Variants in NAV3 observed in about 807,000 individuals in gnomAD.
NAV3 encodes the protein pore membrane and/or filament interacting like protein 1.
A neutral mutation model predicts 244.7 loss-of-function variants in NAV3; 87 were observed. The observed-to-expected ratio is 0.36, with a 90% CI of 0.30 to 0.42. NAV3 has a LOEUF of 0.42. Among genes scored for constraint, NAV3 ranks in the 20% least tolerant of loss-of-function variants. The pLI, the probability that NAV3 is intolerant of heterozygous loss-of-function variation, is 1.00. For missense variants in NAV3, 2,663 were observed against 2,893.3 expected, an observed-to-expected ratio of 0.92 and a Z score of 1.83; for synonymous variants, 1,126 against 1,042.2, an observed-to-expected ratio of 1.08 and a Z score of -1.55.
At chr12:77,952,650 C>A (rs1891010133) in intron 3 of NAV3, among the ~76,000 whole-genome samples, 1 of 152,044 alleles carries the variant, frequency 6.6e-6, no homozygotes, top group Admixed American at 6.6e-5. Context: ...AAATAACTTC[C>A]TGGATTTTGA....
chr12:78,002,046 C>T (rs575048398), intron 7 of NAV3, among the ~76,000 whole-genome samples: 3 of 152,256 alleles, frequency 2.0e-5, no homozygotes, highest in Non-Finnish European at 2.9e-5. Flanking sequence ...TTGTAGAAAC[C>T]ATGCCATGGT....
chr12:77,781,559 A>G (rs1201922823), intron 2 of NAV3, among the ~76,000 whole-genome samples: 1 of 152,084 alleles, frequency 6.6e-6, no homozygotes, highest in Non-Finnish European at 1.5e-5. Flanking sequence ...ACCAATATAC[A>G]CTTACATTTA....
chr12:77,886,345 A>T (rs1883286665), intron 1 of NAV3, among the ~76,000 whole-genome samples: 1 of 152,106 alleles, frequency 6.6e-6, no homozygotes, highest in African/African-American at 2.4e-5. Flanking sequence ...ACTCCCATAC[A>T]TTCCCCACTG....
chr12:78,073,966 A>G (rs530126233), intron 12 of NAV3, among the ~76,000 whole-genome samples: 3 of 152,368 alleles, frequency 2.0e-5, no homozygotes, highest in South Asian at 2.1e-4. Flanking sequence ...CAAATATTAT[A>G]CTAGCTTTGC....
At chr12:78,200,794 G>A (rs550917340) in intron 38 of NAV3, among the ~76,000 whole-genome samples, 5 of 152,018 alleles carry the variant, frequency 3.3e-5, no homozygotes, top group Admixed American at 6.6e-5. Flanking sequence ...GAAAGAAAAG[G>A]CACAGTTATT....
At chr12:77,959,259 A>G (rs1891652371) in intron 3 of NAV3, among the ~76,000 whole-genome samples, 1 of 152,088 alleles carries the variant, frequency 6.6e-6, no homozygotes, top group Non-Finnish European at 1.5e-5. Flanking sequence ...GAGTTCGTAA[A>G]TGTAAATTGG....
chr12:78,112,443 A>G (rs771626858), intron 12 of NAV3, among the ~76,000 whole-genome samples: 1 of 152,134 alleles, frequency 6.6e-6, no homozygotes, highest in Admixed American at 6.5e-5. Flanking sequence ...GGTTTAATTG[A>G]CTCACAGTTC....
chr12:77,743,110 A>T (rs1868370789), intron 2 of NAV3, among the ~76,000 whole-genome samples: 1 of 152,008 alleles, frequency 6.6e-6, no homozygotes. Flanking sequence ...CATCTTGTAA[A>T]CAGACAATAT....
At chr12:77,722,624 A>C (rs1258069389) in intron 2 of NAV3, among the ~76,000 whole-genome samples, 4 of 152,102 alleles carry the variant, frequency 2.6e-5, no homozygotes, top group Non-Finnish European at 4.4e-5. Flanking sequence ...AATTTTGTTA[A>C]ATCATGTTAT....
chr12:78,147,404 A>G (rs1956906231), intron 21 of NAV3, among the ~76,000 whole-genome samples: 1 of 152,064 alleles, frequency 6.6e-6, no homozygotes, highest in Admixed American at 6.6e-5. Context: ...ATGGTTTAAA[A>G]AAACAATTTC....
chr12:77,870,422 A>C (rs1200344328), intron 1 of NAV3, among the ~76,000 whole-genome samples: 1 of 152,080 alleles, frequency 6.6e-6, no homozygotes, highest in Admixed American at 6.6e-5. Context: ...AATTTCAAGC[A>C]AGAATATATA....
chr12:77,778,311 G>A (rs903070709), intron 2 of NAV3, among the ~76,000 whole-genome samples: 39 of 146,830 alleles, frequency 2.7e-4, no homozygotes, highest in African/African-American at 9.6e-4. Context: ...TCCAAATTTC[G>A]TAATGAGAAT....
At chr12:78,120,007 A>T in intron 15 of NAV3, 62 bp downstream of exon 15, 4 of 1,242,764 alleles carry the variant, frequency 3.2e-6, no homozygotes, top group Non-Finnish European at 4.5e-6. Flanking sequence ...AGACACATAC[A>T]TTACATATAA....
chr12:77,860,395 T>C (rs1879088997), intron 1 of NAV3, among the ~76,000 whole-genome samples: 2 of 150,970 alleles, frequency 1.3e-5, no homozygotes, highest in Admixed American at 6.6e-5. Context: ...GTGAAGTATA[T>C]ATATAAATAT....
chr12:77,573,465 G>T (rs1868927726), intron 2 of NAV3, among the ~76,000 whole-genome samples: 1 of 152,130 alleles, frequency 6.6e-6, no homozygotes, highest in Non-Finnish European at 1.5e-5. Context: ...AATTCAAGGT[G>T]CCTGAAATCA....
chr12:77,944,926 G>T (rs1192600161), intron 3 of NAV3, among the ~76,000 whole-genome samples: 1 of 152,172 alleles, frequency 6.6e-6, no homozygotes, highest in East Asian at 1.9e-4. Flanking sequence ...GTAACATGCT[G>T]TCAAATGTTA....
chr12:77,594,363 T>C (rs1290673090), intron 2 of NAV3, among the ~76,000 whole-genome samples: 2 of 151,582 alleles, frequency 1.3e-5, no homozygotes, highest in Non-Finnish European at 2.9e-5. Context: ...CTTAAGTAAA[T>C]GTGCCCAATT....
chr12:77,903,338 C>T (rs905317079), intron 1 of NAV3, among the ~76,000 whole-genome samples: 13 of 152,054 alleles, frequency 8.5e-5, no homozygotes, highest in African/African-American at 2.4e-4. Context: ...GAAATAATGC[C>T]GCATATCTAC....
intron 2 of NAV3, among the ~76,000 whole-genome samples, chr12:77,730,576 G>T (rs1036853465): frequency 7.9e-5 from 12 of 151,760 alleles, no homozygotes; most frequent in African/African-American, 2.7e-4. Context: ...GTCTTGCATT[G>T]TTCTAGGTGC....
Sources: allele counts gnomAD v4.1 joint callset (sites outside exome capture counted in the v4.1 genomes callset), GRCh38; gene constraint gnomAD v4.1.1; transcripts MANE v1.5; gene names NCBI Gene and HGNC (gene_info 2026-07-23, HGNC 2026-07-21).